The following GAS6 variants were observed in gnomAD, a reference collection of about 807,000 sequenced individuals.
GAS6 encodes growth arrest specific 6.
GAS6 carries 41 observed loss-of-function variants against 75.8 expected under a neutral mutation model. The ratio of observed to expected loss-of-function variants is 0.54; its 90% confidence interval spans 0.42 to 0.70. The LOEUF (loss-of-function observed/expected upper bound fraction) is 0.70, where lower values mean the gene tolerates loss of function less well. Among genes scored for constraint, GAS6 ranks in the 30% least tolerant of loss-of-function variants. The pLI is 0.00. For synonymous variants in GAS6, 432 were observed against 412.6 expected (o/e 1.05, Z -0.57); for missense variants, 854 against 940.2 (o/e 0.91, Z 1.20).
At chr13:113,851,633 G>A (rs2051876937) in intron 2 of GAS6, among the ~76,000 whole-genome samples, 1 of 151,966 alleles carries the variant, frequency 6.6e-6, no homozygotes, top group African/African-American at 2.4e-5. Flanking sequence ...GTGGATGGAT[G>A]GATGAGCGAG....
chr13:113,835,732 G>A (rs909158251), intron 6 of GAS6, 97 bp from the exon 7 acceptor site: 2 of 1,529,580 alleles, frequency 1.3e-6, no homozygotes, highest in African/African-American at 1.4e-5. Flanking sequence ...ACCACCCAGA[G>A]GTCGCATCCA....
chr13:113,831,834 C>T (rs2051634316), intron 10 of GAS6, among the ~76,000 whole-genome samples: 1 of 5,150 alleles, frequency 1.9e-4, no homozygotes, highest in Admixed American at 1.2e-3. Flanking sequence ...CCCCGTCCCC[C>T]GGAGCATGAA....
chr13:113,855,102 A>T (rs2051903959), intron 2 of GAS6, among the ~76,000 whole-genome samples: 1 of 152,230 alleles, frequency 6.6e-6, no homozygotes, highest in South Asian at 2.1e-4. Flanking sequence ...ACAGCAAAAT[A>T]AAATAGTCGT....
intron 5 of GAS6, among the ~76,000 whole-genome samples, chr13:113,838,627 TGC>T (rs2051743293): frequency 1.6e-5 from 1 of 63,844 alleles, no homozygotes; most frequent in Non-Finnish European, 2.8e-5. Context: ...AGCCCGGGGG[TGC>T]ACAGCCCAGC....
Position 113,863,963 on chromosome 13 carries a change from G to A in GAS6, c.-43C>T, listed in dbSNP as rs2051995521. 9.6e-7 allele frequency: 1 copy of A among 1,045,982 alleles called. No homozygotes were observed. The highest frequency in any genetic ancestry group is 1.1e-6 in the Non-Finnish European group (1 of 871,508). The allele number at this position is 1,045,982 out of a possible 1,614,324, so 64.8% of individuals were successfully genotyped here. A position where few individuals can be genotyped will look rare whatever the true frequency, so the allele number is the denominator to read the frequency against. On this transcript the variant is annotated 5_prime_UTR_variant, in exon 1 of 15. Coordinates refer to ENST00000327773, the MANE Select transcript of GAS6 (RefSeq NM_000820.4). This position sits in a 1 kb window ranked among gnomAD's most constrained non-coding sequence, Gnocchi z 9.4. Reference sequence around the variant, plus strand: ...CGGTCAGAGCGCCCGGGAGGCCGAGGCGAGCCGCGGGCGCCGCGGGGCGGA... The same window carrying A: ...CGGTCAGAGCGCCCGGGAGGCCGAGACGAGCCGCGGGCGCCGCGGGGCGGA...
intron 2 of GAS6, among the ~76,000 whole-genome samples, chr13:113,849,704 G>A (rs1375050663): frequency 6.6e-6 from 1 of 152,120 alleles, no homozygotes; most frequent in Non-Finnish European, 1.5e-5. Context: ...AAGTTTTATT[G>A]TTGCAAAAAG....
intron 4 of GAS6, chr13:113,842,616 C>G (rs2051798116): frequency 2.5e-6 from 1 of 397,042 alleles, no homozygotes; most frequent in Non-Finnish European, 4.4e-6. Context: ...CCACCCTGGC[C>G]TCAGATGAAG....
chr13:113,834,088 T>C (rs1458572387), intron 8 of GAS6, among the ~76,000 whole-genome samples: 1 of 146,932 alleles, frequency 6.8e-6, no homozygotes, highest in Non-Finnish European at 1.5e-5. Flanking sequence ...GGCACCAGTG[T>C]GACAGGTAGG....
rs78824256 is a variant in GAS6, at chr13:113,834,648, C to A, written c.737G>T (p.Arg246Leu). The change falls in exon 8 of 15, where the codon CGC becomes CTC. Residue 246 changes from arginine (R) to leucine (L), a missense_variant. Arg to Leu is a moderately radical substitution (Grantham distance 102). Transcript: ENST00000327773. ...GGAGTTCACGCAGACCTGCTCACAG[C>A]GGCCCTGCAGACACTCGTCCACATC... ...CRDVDECLQGRCEQVCVNSPG... is the reference protein window; with the variant it reads ...CRDVDECLQGLCEQVCVNSPG... 6.3e-7 allele frequency: 1 copy of A among 1,599,478 alleles called. No homozygotes were observed. The highest frequency in any genetic ancestry group is 8.5e-7 in the Non-Finnish European group (1 of 1,172,472).
In GAS6 at chr13:113,828,667, G is replaced by C; in HGVS notation, c.1188C>G (p.Asn396Lys). 6.2e-7 allele frequency: 1 copy of C among 1,613,604 alleles called. No homozygotes were observed. The highest frequency in any genetic ancestry group is 8.5e-7 in the Non-Finnish European group (1 of 1,180,006). ...CCGCGATTTTCATGACAGCATCCCT[G>C]TTGACCTTGATGACCAGATTCCGCG... ...ELARNLVIKV[N>K]RDAVMKIAVA... Residue 396 changes from asparagine (N) to lysine (K), a missense_variant, in exon 11 of 15, where the codon AAC becomes AAG. By Grantham distance (94) the Asn-to-Lys change is moderately conservative (BLOSUM62 0). Coordinates refer to ENST00000327773, the MANE Select transcript of GAS6 (RefSeq NM_000820.4).
chr13:113,821,431 G>A (rs74118438), intron 14 of GAS6: 2,901 of 236,582 alleles, frequency 0.012, 95 homozygotes, highest in African/African-American at 0.061. Context: ...GAAAACCTGC[G>A]GGCAGCCGAG....
At position 113,863,862 on chromosome 13, in the gene GAS6, A is replaced by G; in HGVS notation, c.59T>C (p.Leu20Pro). 1.6e-6 allele frequency: 2 copies of G among 1,252,284 alleles called. No homozygotes were observed. Among genetic ancestry groups the G allele is most frequent in the Non-Finnish European group, 2.0e-6 (2 of 1,002,360 alleles). The allele number at this position is 1,252,284 out of a possible 1,614,324, so 77.6% of individuals were successfully genotyped here. The change falls in exon 1 of 15, where the codon CTG becomes CCG. Residue 20 changes from leucine (L) to proline (P), a missense_variant. Coordinates refer to ENST00000327773, the MANE Select transcript of GAS6 (RefSeq NM_000820.4). This position sits in a 1 kb window ranked among gnomAD's most constrained non-coding sequence, Gnocchi z 9.4. The stretch of plus-strand genomic sequence containing the variant: ...CGCGCACTCCGCGGCCAGCAGCAGC[A>G]GCAGCAGCTGCGGCGCGCGGCGCAG... ...AALRRAPQLL[L>P]LLLAAECALA...
chr13:113,852,939 C>T (rs548004608), intron 2 of GAS6, among the ~76,000 whole-genome samples: 30 of 152,296 alleles, frequency 2.0e-4, no homozygotes, highest in African/African-American at 7.0e-4. Context: ...CCCATGCCAC[C>T]GCAGGAATCA....
At chr13:113,829,045 A>G (rs186872527) in intron 10 of GAS6, among the ~76,000 whole-genome samples, 1,000 of 71,880 alleles carry the variant, frequency 0.014, 76 homozygotes, top group African/African-American at 0.033. Context: ...AGAGGGTCTC[A>G]ATCTCAGGCA....
Position 113,838,133 on chromosome 13 carries a change from C to T in GAS6, c.525G>A (p.Pro175=), listed in dbSNP as rs144311791. ...TGTGGCAGGAACAGTGGAAGCTACC[C>T]GGCTTGTTGTGGCAGATCTGGAGGC... ...GGCLQICHNK[P]GSFHCSCHSG... The change falls in exon 6 of 15, where the codon CCG becomes CCA. Residue 175 remains proline (P), a synonymous_variant. Coordinates refer to ENST00000327773, the MANE Select transcript of GAS6 (RefSeq NM_000820.4). 165 of 1,612,896 alleles carry T rather than the reference C, an allele frequency of 1.0e-4. No individual in the cohort carries two copies. Among genetic ancestry groups the T allele is most frequent in the African/African-American group, 8.5e-4 (64 of 75,040 alleles).
At chr13:113,829,030 G>A (rs75977095) in intron 10 of GAS6, among the ~76,000 whole-genome samples, 7 of 77,660 alleles carry the variant, frequency 9.0e-5, no homozygotes, top group African/African-American at 7.7e-4. Context: ...TCCTCACCTG[G>A]GCCAAGAGGG....
intron 2 of GAS6, among the ~76,000 whole-genome samples, chr13:113,849,104 C>G (rs183355022): frequency 2.0e-5 from 3 of 152,346 alleles, no homozygotes; most frequent in Admixed American, 2.0e-4. Flanking sequence ...AGGCCCCGCC[C>G]CAGCCTTGCC....
At position 113,823,425 on chromosome 13, in the gene GAS6, G is replaced by C. The variant is rs1183491858; in HGVS notation, c.1603C>G (p.Leu535Val). Residue 535 changes from leucine to valine, a missense_variant, in exon 13 of 15, where the codon CTC becomes GTC. By Grantham distance (32) the Leu-to-Val change is conservative (BLOSUM62 1). Transcript: ENST00000327773. ...LWAPDLRAVPLSVALVDYHST... is the reference protein window; with the variant it reads ...LWAPDLRAVPVSVALVDYHST... ...TGATAGTCTACCAGTGCCACAGAGA[G>C]AGGCACGGCACGGAGGTCGGGGGCC... 3 of 1,612,792 alleles carry C rather than the reference G, an allele frequency of 1.9e-6. No individual in the cohort carries two copies. Among genetic ancestry groups the C allele is most frequent in the Non-Finnish European group, 2.5e-6 (3 of 1,179,936 alleles).
chr13:113,828,887 C>A (rs112736935), intron 10 of GAS6, among the ~76,000 whole-genome samples, 176 bp from the exon 11 acceptor site: 81 of 103,678 alleles, frequency 7.8e-4, no homozygotes, highest in East Asian at 1.3e-3. Context: ...CCTGATCCTC[C>A]CCTGAGCCAA....
Sources: allele counts gnomAD v4.1 joint callset (sites outside exome capture counted in the v4.1 genomes callset), GRCh38; gene constraint gnomAD v4.1.1; non-coding constraint Gnocchi (gnomAD v3.1); transcripts MANE v1.5; gene names NCBI Gene and HGNC (gene_info 2026-07-23, HGNC 2026-07-21).